Variants in IGFBP7 observed in about 807,000 individuals in gnomAD.
The protein encoded by IGFBP7 is insulin-like growth factor-binding protein 7.
IGFBP7 carries 31 observed loss-of-function variants against 29.4 expected under a neutral mutation model. The ratio of observed to expected loss-of-function variants is 1.05; its 90% CI spans 0.79 to 1.42. The LOEUF (loss-of-function observed/expected upper bound fraction) is 1.42, where lower values mean the gene tolerates loss of function less well. Among genes scored for constraint, IGFBP7 ranks in the 40% most tolerant of loss-of-function variants. The probability of loss-of-function intolerance (pLI) is 0.00; values close to 1 mark genes in which losing one functional copy is unlikely to be tolerated. For missense variants in IGFBP7, 393 were observed against 395.5 expected (o/e 0.99, Z 0.05); for synonymous variants, 172 against 174.9 (o/e 0.98, Z 0.13).
At chr4:57,071,092 TAGA>T (rs1725042467) in intron 1 of IGFBP7, among the ~76,000 whole-genome samples, 1 of 152,208 alleles carries the variant, frequency 6.6e-6, no homozygotes, top group African/African-American at 2.4e-5. Flanking sequence ...AAAGCCTGTC[TAGA>T]AGAAGTGTGT....
chr4:57,090,293 G>A (rs1671443251), intron 1 of IGFBP7, among the ~76,000 whole-genome samples: 8 of 152,162 alleles, frequency 5.3e-5, no homozygotes, highest in Admixed American at 5.2e-4. Context: ...TTGCTACCAT[G>A]AGAAACGTAG....
chr4:57,069,052 G>C (rs964787508), intron 1 of IGFBP7, among the ~76,000 whole-genome samples: 34 of 151,496 alleles, frequency 2.2e-4, no homozygotes, highest in Non-Finnish European at 4.6e-4. Flanking sequence ...AGCCTAGAGG[G>C]TCTTATGTGG....
At chr4:57,042,427 G>A (rs1389051405) in intron 1 of IGFBP7, among the ~76,000 whole-genome samples, 1 of 152,176 alleles carries the variant, frequency 6.6e-6, no homozygotes, top group African/African-American at 2.4e-5. Flanking sequence ...TTGGCTCACG[G>A]CAACCTCCGC....
At chr4:57,109,838 G>A (rs1219764917) in intron 1 of IGFBP7, 39 bp downstream of exon 1, 4 of 1,522,462 alleles carry the variant, frequency 2.6e-6, no homozygotes, top group Non-Finnish European at 3.5e-6. Flanking sequence ...TCGCTGGGCC[G>A]AGCGGCGCAG....
At chr4:57,069,374 G>A (rs1445576207) in intron 1 of IGFBP7, among the ~76,000 whole-genome samples, 1 of 151,846 alleles carries the variant, frequency 6.6e-6, no homozygotes, top group Non-Finnish European at 1.5e-5. Flanking sequence ...GGATTGTTGG[G>A]GCCAGATGTT....
intron 1 of IGFBP7, 165 bp downstream of exon 1, chr4:57,109,712 G>A: frequency 1.2e-6 from 1 of 810,852 alleles, no homozygotes; most frequent in Non-Finnish European, 1.8e-6. Context: ...CACCGCTCCT[G>A]GCATTCCGCG....
chr4:57,037,127 A>C (rs1386947500), intron 2 of IGFBP7, among the ~76,000 whole-genome samples: 2 of 152,128 alleles, frequency 1.3e-5, no homozygotes, highest in African/African-American at 4.8e-5. Flanking sequence ...TTTATTTTTT[A>C]TAAGAACATG....
chr4:57,106,537 T>G (rs1578656356), intron 1 of IGFBP7, among the ~76,000 whole-genome samples: 1 of 151,938 alleles, frequency 6.6e-6, no homozygotes, highest in Non-Finnish European at 1.5e-5. Flanking sequence ...AGAGAAGAGG[T>G]CAAAATAATA....
At chr4:57,072,366 A>G (rs1725072479) in intron 1 of IGFBP7, among the ~76,000 whole-genome samples, 1 of 152,116 alleles carries the variant, frequency 6.6e-6, no homozygotes, top group African/African-American at 2.4e-5. Flanking sequence ...TATCTCTACA[A>G]AAATATATAA....
At chr4:57,068,129 C>T (rs905070313) in intron 1 of IGFBP7, among the ~76,000 whole-genome samples, 3 of 151,858 alleles carry the variant, frequency 2.0e-5, no homozygotes, top group African/African-American at 7.3e-5. Context: ...GAGTTCAAGA[C>T]CAGCCTGGGC....
At chr4:57,047,222 T>G (rs1724385079) in intron 1 of IGFBP7, among the ~76,000 whole-genome samples, 1 of 152,228 alleles carries the variant, frequency 6.6e-6, no homozygotes, top group African/African-American at 2.4e-5. Context: ...TAATAGCGAC[T>G]AAGTCTCATG....
intron 1 of IGFBP7, among the ~76,000 whole-genome samples, chr4:57,077,858 A>G (rs1167087402): frequency 6.6e-6 from 1 of 152,240 alleles, no homozygotes; most frequent in African/African-American, 2.4e-5. Context: ...GAATGGGGTA[A>G]TAACAGCACT....
At chr4:57,068,838 T>C (rs1430858620) in intron 1 of IGFBP7, among the ~76,000 whole-genome samples, 1 of 152,124 alleles carries the variant, frequency 6.6e-6, no homozygotes, top group Non-Finnish European at 1.5e-5. Context: ...AGTTGACTGA[T>C]AGCTGGAGCA....
intron 1 of IGFBP7, among the ~76,000 whole-genome samples, chr4:57,081,304 TG>T (rs371172758): frequency 1.3e-5 from 2 of 152,258 alleles, no homozygotes; most frequent in Admixed American, 6.5e-5. Context: ...TCTGAAAGCC[TG>T]TTAGGGCATT....
intron 1 of IGFBP7, among the ~76,000 whole-genome samples, chr4:57,085,810 T>G (rs574404213): frequency 6.6e-6 from 1 of 152,368 alleles, no homozygotes; most frequent in South Asian, 2.1e-4. Context: ...TTTGTGTTGT[T>G]TTCATTTAGT....
At chr4:57,100,407 A>G (rs1008249076) in intron 1 of IGFBP7, among the ~76,000 whole-genome samples, 5 of 152,318 alleles carry the variant, frequency 3.3e-5, no homozygotes, top group Non-Finnish European at 4.4e-5. Context: ...ATCTGGCTAT[A>G]GAAGGACTAA....
intron 1 of IGFBP7, among the ~76,000 whole-genome samples, chr4:57,058,723 G>T (rs750323782): frequency 1.3e-5 from 2 of 152,168 alleles, no homozygotes; most frequent in Non-Finnish European, 2.9e-5. Context: ...AAAAGCAATT[G>T]CAACAGAAGC....
Position 57,110,274 on chromosome 4 carries a change from G to A in IGFBP7, c.78C>T (p.Ser26=). ...AGGGGCCGCAGGTGTCCGAAGAGGA[G>A]GAAGAGGAGAGGGGCAGGAGCAGGA... is the stretch of plus-strand genomic sequence containing the variant. ...LLLLLLPLSS[S]SSSDTCGPCE... The change falls in exon 1 of 5, where the codon TCC becomes TCT. Residue 26 remains serine, a synonymous_variant. Transcript: ENST00000295666. 7.0e-7 allele frequency: 1 copy of A among 1,427,684 alleles called. No individual in the cohort carries two copies. The highest frequency in any genetic ancestry group is 9.2e-7 in the Non-Finnish European group (1 of 1,091,846). 88.4% of individuals were successfully genotyped at this position (1,427,684 alleles called of 1,614,324 possible).
chr4:57,035,174 G>C (rs1724052987), intron 2 of IGFBP7, among the ~76,000 whole-genome samples: 1 of 152,128 alleles, frequency 6.6e-6, no homozygotes, highest in African/African-American at 2.4e-5. Context: ...ATAGCTCTTA[G>C]TAACAGCATT....
Sources: allele counts gnomAD v4.1 joint callset (sites outside exome capture counted in the v4.1 genomes callset), GRCh38; gene constraint gnomAD v4.1.1; transcripts MANE v1.5; gene names NCBI Gene and HGNC (gene_info 2026-07-23, HGNC 2026-07-21).